WDR44: variants seen among roughly 807,000 people sequenced by gnomAD.
The protein encoded by WDR44 is WD repeat domain 44.
Under a neutral mutation model 65.7 loss-of-function variants are expected in WDR44, and 9 were observed. The observed-to-expected ratio is 0.14, with a 90% CI of 0.08 to 0.24. The LOEUF (loss-of-function observed/expected upper bound fraction) is 0.24, where lower values mean the gene tolerates loss of function less well. Among genes scored for constraint, WDR44 ranks in the 10% least tolerant of loss-of-function variants. The pLI is 1.00. For missense variants in WDR44, 425 were observed against 670.9 expected (o/e 0.63, Z 4.05); for synonymous variants, 220 against 235.2 (o/e 0.94, Z 0.59).
At chrX:118,373,181 A>G (rs1200845678) in intron 1 of WDR44, among the ~76,000 whole-genome samples, 2 of 111,405 alleles carry the variant, frequency 1.8e-5, no homozygotes, top group Admixed American at 1.9e-4. Context: ...CAGACATTCC[A>G]GGCATAGTAA....
intron 1 of WDR44, among the ~76,000 whole-genome samples, chrX:118,352,330 ATATATATATATATATATATATATTTT>A (rs2056414446): frequency 7.2e-5 from 1 of 13,862 alleles, no homozygotes; most frequent in Non-Finnish European, 1.0e-4. Flanking sequence ...ATATATATAT[ATATATATATATATATATATATATTTT>A]TTTTTTTTTT....
intron 8 of WDR44, among the ~76,000 whole-genome samples, chrX:118,402,099 GAGAGCC>G (rs1465604213): frequency 9.2e-6 from 1 of 108,446 alleles, no homozygotes; most frequent in Non-Finnish European, 1.9e-5. Context: ...TAGTCTTTCT[GAGAGCC>G]AGATATGAGA....
chrX:118,348,870 C>T (rs1012571758), intron 1 of WDR44, among the ~76,000 whole-genome samples: 4 of 112,006 alleles, frequency 3.6e-5, no homozygotes, highest in Non-Finnish European at 5.6e-5. Context: ...TTGGGCACTT[C>T]AGAAATGTTC....
intron 12 of WDR44, among the ~76,000 whole-genome samples, chrX:118,419,115 G>T (rs1042466830): frequency 1.5e-4 from 17 of 111,319 alleles, no homozygotes; most frequent in African/African-American, 5.2e-4. Flanking sequence ...TCACCTCCCA[G>T]CTGTGAAAGA....
chrX:118,439,984 G>A (rs1488286069), intron 14 of WDR44, among the ~76,000 whole-genome samples: 1 of 107,365 alleles, frequency 9.3e-6, no homozygotes, highest in African/African-American at 3.4e-5. Flanking sequence ...GCCCGGTATG[G>A]TGGTGTGCTT....
chrX:118,361,052 TAA>T (rs751234193), intron 1 of WDR44, among the ~76,000 whole-genome samples: 4 of 111,722 alleles, frequency 3.6e-5, no homozygotes, highest in Non-Finnish European at 7.5e-5. Flanking sequence ...GACAGGAAAA[TAA>T]AAAGAGACCT....
intron 19 of WDR44, chrX:118,447,021 A>G: frequency 3.2e-6 from 1 of 313,343 alleles, no homozygotes; most frequent in Non-Finnish European, 6.1e-6. Context: ...ACGTACTACC[A>G]TGCCTGGCTA....
At chrX:118,356,645 A>C (rs1241028604) in intron 1 of WDR44, among the ~76,000 whole-genome samples, 1 of 109,329 alleles carries the variant, frequency 9.1e-6, no homozygotes, top group African/African-American at 3.3e-5. Flanking sequence ...AATGGGAAAA[A>C]TGTATTCCTA....
At position 118,411,015 on chromosome X, in the gene WDR44, C is replaced by T. The variant is rs1602940317; in HGVS notation, c.1737+56C>T. 4.4e-5 allele frequency: 43 copies of T among 971,103 alleles called. No homozygotes were observed. In the South Asian group the frequency reaches 1.0e-3, roughly 23 times the overall value. 80.0% of individuals were successfully genotyped at this position (971,103 alleles called of 1,213,427 possible). On this transcript the variant is annotated intron_variant, in intron 12 of 19. Coordinates refer to ENST00000254029, the MANE Select transcript of WDR44 (RefSeq NM_019045.5). ...TTCAGGTATGATTTAATTTGTTTAC[C>T]ATAAAGTATTTTTGTGTATCAGAAA...
At chrX:118,400,261 C>T (rs1404241570) in intron 8 of WDR44, among the ~76,000 whole-genome samples, 1 of 111,050 alleles carries the variant, frequency 9.0e-6, no homozygotes, top group African/African-American at 3.3e-5. Context: ...CTTCCCTGGG[C>T]CCTGCCCTGT....
chrX:118,352,619 A>C (rs2056425390), intron 1 of WDR44, among the ~76,000 whole-genome samples: 1 of 109,305 alleles, frequency 9.1e-6, no homozygotes, highest in African/African-American at 3.3e-5. Flanking sequence ...TACATTACCC[A>C]ACACTCCATG....
At chrX:118,364,596 A>G (rs2056538173) in intron 1 of WDR44, among the ~76,000 whole-genome samples, 1 of 112,434 alleles carries the variant, frequency 8.9e-6, no homozygotes, top group African/African-American at 3.2e-5. Context: ...CATGGTAGAT[A>G]ACCAATAAGG....
chrX:118,352,352 A>ATATATT (rs1357425730), intron 1 of WDR44, among the ~76,000 whole-genome samples: 7 of 14,226 alleles, frequency 4.9e-4, no homozygotes, highest in African/African-American at 2.6e-3. Context: ...ATATATATAT[A>ATATATT]TTTTTTTTTT....
intron 18 of WDR44, 60 bp from the exon 19 acceptor site, chrX:118,444,300 C>T: frequency 3.5e-6 from 4 of 1,154,194 alleles, no homozygotes; most frequent in Non-Finnish European, 4.7e-6. Context: ...ATAACATACA[C>T]TATCGTGTTT....
chrX:118,430,310 G>A lies in WDR44; in HGVS notation c.1738-2471G>A, dbSNP rs1182683183. On this transcript the variant is annotated intron_variant, in intron 12 of 19. Transcript: ENST00000254029. ...TGTAATCCCAGCACTTTGGGAGGCC[G>A]AGGCTGGTGGATCATGAGGTCAGGA... Among the ~76,000 whole-genome samples the A allele has an allele frequency of 6.5e-5, 7 of 108,102 alleles. No individual in the cohort carries two copies. The East Asian group carries it at 1.4e-3, about 22-fold the overall frequency. 93.9% of individuals were successfully genotyped at this position (108,102 alleles called of 115,157 possible).
chrX:118,429,537 C>T (rs748971634), intron 12 of WDR44, among the ~76,000 whole-genome samples: 33 of 102,588 alleles, frequency 3.2e-4, no homozygotes, highest in Non-Finnish European at 5.5e-4. Context: ...TGCAGTGAGC[C>T]AAGATCGTGC....
At chrX:118,349,747 A>G (rs2056387637) in intron 1 of WDR44, among the ~76,000 whole-genome samples, 1 of 109,921 alleles carries the variant, frequency 9.1e-6, no homozygotes, top group Non-Finnish European at 1.9e-5. Flanking sequence ...ACGGGGTTTC[A>G]CCATGTTCGT....
chrX:118,441,607 A>G lies in WDR44; in HGVS notation c.2166+48A>G, dbSNP rs766897407. The G allele has an allele frequency of 2.4e-5, 26 of 1,093,806 alleles. No homozygotes were observed. In the South Asian group the frequency reaches 5.0e-4, roughly 21 times the overall value. The allele number at this position is 1,093,806 out of a possible 1,213,427, so 90.1% of individuals were successfully genotyped here. A position where few individuals can be genotyped will look rare whatever the true frequency, so the allele number is the denominator to read the frequency against. ...TTATATAATTGTATACTTAGTAAAC[A>G]CTTTCATGGTTTTGGACAAGTTGCT... On this transcript the variant is annotated intron_variant, in intron 15 of 19. Coordinates refer to ENST00000254029, the MANE Select transcript of WDR44 (RefSeq NM_019045.5).
intron 13 of WDR44, among the ~76,000 whole-genome samples, chrX:118,433,325 T>C (rs1276180746): frequency 1.8e-5 from 2 of 111,642 alleles, no homozygotes; most frequent in Non-Finnish European, 3.8e-5. Flanking sequence ...TGGAGCACTG[T>C]ATGTTCTAGA....
Sources: allele counts gnomAD v4.1 joint callset (sites outside exome capture counted in the v4.1 genomes callset), GRCh38; gene constraint gnomAD v4.1.1; transcripts MANE v1.5; gene names NCBI Gene and HGNC (gene_info 2026-07-23, HGNC 2026-07-21).